OCRL: variants seen among roughly 807,000 people sequenced by gnomAD.
The protein encoded by OCRL is OCRL inositol polyphosphate-5-phosphatase, also known as inositol polyphosphate 5-phosphatase OCRL.
In OCRL, 8 loss-of-function variants were observed where a neutral mutation model predicts 78.9. That is an observed-to-expected ratio of 0.10 (90% confidence interval 0.06 to 0.18). OCRL has a LOEUF of 0.18. Ranked by LOEUF, OCRL falls within the 10% of genes least tolerant of loss-of-function variation. The pLI, the probability that OCRL is intolerant of heterozygous loss-of-function variation, is 1.00. For synonymous variants in OCRL, 240 were observed against 235.4 expected, an observed-to-expected ratio of 1.02 and a Z score of -0.18; for missense variants, 454 against 696.7, an observed-to-expected ratio of 0.65 and a Z score of 3.92.
At chrX:129,581,683 AATAT>A (rs1264601057) in intron 18 of OCRL, among the ~76,000 whole-genome samples, 2 of 102,430 alleles carry the variant, frequency 2.0e-5, no homozygotes, top group African/African-American at 7.2e-5. Flanking sequence ...TATATCCTTT[AATAT>A]ATATACTTAG....
rs749059323 is a variant in OCRL at position 129,565,772 on chromosome X, G to T, written c.1245G>T (p.Glu415Asp). The change falls in exon 13 of 24, where the codon GAG becomes GAT. Residue 415 changes from glutamate (E) to aspartate (D), a missense_variant and splice_region_variant. Physicochemically the swap from Glu to Asp is conservative, Grantham distance 45. Around this residue, in one of 2 missense-constraint regions of OCRL, gnomAD observed 277 missense variants for 517.1 expected, o/e 0.54. Coordinates refer to ENST00000371113, the MANE Select transcript of OCRL (RefSeq NM_000276.4). Reference protein sequence around the residue: ...TLPQLNIMKHEVVIWLGDLNY... With the variant: ...TLPQLNIMKHDVVIWLGDLNY... Reference sequence around the variant, plus strand: ...GTTCATACATTTTTTTGATCCTTAGGGTTGTCATTTGGTTGGGAGATTTGA... The same window carrying T: ...GTTCATACATTTTTTTGATCCTTAGTGTTGTCATTTGGTTGGGAGATTTGA... 1 of 1,190,909 alleles carries T rather than the reference G, an allele frequency of 8.4e-7. No homozygotes were observed. Among genetic ancestry groups the T allele is most frequent in the Admixed American group, 2.2e-5 (1 of 45,912 alleles).
At chrX:129,555,106 C>T (rs921900431) in intron 4 of OCRL, among the ~76,000 whole-genome samples, 3 of 110,482 alleles carry the variant, frequency 2.7e-5, no homozygotes, top group Non-Finnish European at 5.7e-5. Flanking sequence ...TCGGAAACTA[C>T]GAGTGCCTGG....
At chrX:129,560,985 T>G (rs1465838441) in intron 9 of OCRL, among the ~76,000 whole-genome samples, 194 bp from the exon 10 acceptor site, 1 of 112,663 alleles carries the variant, frequency 8.9e-6, no homozygotes, top group African/African-American at 3.2e-5. Context: ...TTGCATAGCT[T>G]ATGAATGTAC....
chrX:129,551,801 T>C (rs1017245363), intron 4 of OCRL, among the ~76,000 whole-genome samples: 6 of 112,283 alleles, frequency 5.3e-5, no homozygotes, highest in Non-Finnish European at 1.1e-4. Context: ...AGAGTAAGTA[T>C]ATTAGGAGGG....
At chrX:129,568,974 C>T (rs1338744007) in intron 14 of OCRL, among the ~76,000 whole-genome samples, 1 of 112,673 alleles carries the variant, frequency 8.9e-6, no homozygotes, top group Non-Finnish European at 1.9e-5. Flanking sequence ...TGAAGATGTA[C>T]TCCCAATCTT....
intron 18 of OCRL, among the ~76,000 whole-genome samples, 175 bp downstream of exon 18, chrX:129,576,727 G>C (rs1397025230): frequency 8.9e-6 from 1 of 111,745 alleles, no homozygotes; most frequent in Admixed American, 9.5e-5. Flanking sequence ...GGGGAAAGAG[G>C]GGGGACTAAT....
intron 4 of OCRL, among the ~76,000 whole-genome samples, chrX:129,556,099 C>A (rs1936044653): frequency 1.8e-5 from 2 of 111,583 alleles, no homozygotes; most frequent in Non-Finnish European, 3.8e-5. Flanking sequence ...TTTTGTAACT[C>A]ATTTTACAAA....
chrX:129,555,697 G>A (rs970851081), intron 4 of OCRL, among the ~76,000 whole-genome samples: 2 of 112,031 alleles, frequency 1.8e-5, no homozygotes, highest in Non-Finnish European at 3.8e-5. Flanking sequence ...GGAGCATCCA[G>A]TGTTATTTTG....
chrX:129,591,602 C>G lies in OCRL; in HGVS notation c.*1332C>G, dbSNP rs932379129. The stretch of plus-strand genomic sequence containing the variant: ...TCCTGGTTTTCTTTTGTTACAACCA[C>G]CCTTGCCTGTTTACATTAATTGCAA... On this transcript the variant is annotated 3_prime_UTR_variant, in exon 24 of 24. Coordinates refer to ENST00000371113, the MANE Select transcript of OCRL (RefSeq NM_000276.4). The G allele has an allele frequency of 1.6e-4, 18 of 112,106 alleles. No homozygotes were observed. The highest frequency in any genetic ancestry group is 5.9e-4 in the African/African-American group (18 of 30,645). 9.2% of individuals were successfully genotyped at this position (112,106 alleles called of 1,213,427 possible). A position where few individuals can be genotyped will look rare whatever the true frequency, so the allele number is the denominator to read the frequency against.
At chrX:129,578,606 A>G (rs1300399684) in intron 18 of OCRL, among the ~76,000 whole-genome samples, 3 of 110,770 alleles carry the variant, frequency 2.7e-5, no homozygotes, top group Admixed American at 1.9e-4. Context: ...AAAACTTTGC[A>G]GTTTTTCATA....
chrX:129,545,025 A>C lies in OCRL; in HGVS notation c.187A>C (p.Arg63=), dbSNP rs780079015. 1.8e-6 allele frequency: 2 copies of C among 1,086,897 alleles called. No homozygotes were observed. The highest frequency in any genetic ancestry group is 2.6e-6 in the Non-Finnish European group (2 of 782,114). 89.6% of individuals were successfully genotyped at this position (1,086,897 alleles called of 1,213,427 possible). A position where few individuals can be genotyped will look rare whatever the true frequency, so the allele number is the denominator to read the frequency against. The part of the protein sequence containing the change: ...QDIIPINSHF[R]CVQEAEETLL... ...TATCATTCCTATAAATAGCCACTTC[A>C]GATGTGTTCAAGGTACTAGCTTTAA... Residue 63 remains arginine (R), a synonymous_variant, in exon 3 of 24, where the codon AGA becomes CGA. Transcript: ENST00000371113.
At chrX:129,582,708 T>G (rs1163442897) in intron 18 of OCRL, among the ~76,000 whole-genome samples, 1 of 112,015 alleles carries the variant, frequency 8.9e-6, no homozygotes, top group Non-Finnish European at 1.9e-5. Flanking sequence ...TCTAATTGCT[T>G]TATTTCATGT....
intron 12 of OCRL, among the ~76,000 whole-genome samples, chrX:129,563,588 A>G (rs748102464): frequency 1.8e-5 from 2 of 111,667 alleles, no homozygotes; most frequent in Non-Finnish European, 3.8e-5. Flanking sequence ...TTTCCAAGCC[A>G]GTATATATAG....
chrX:129,558,192 G>A (rs753686909), intron 6 of OCRL, among the ~76,000 whole-genome samples: 1 of 111,648 alleles, frequency 9.0e-6, no homozygotes, highest in South Asian at 3.8e-4. Flanking sequence ...CAGACAGCCT[G>A]GATTTGAATC....
chrX:129,555,004 A>AAAT (rs1338328438), intron 4 of OCRL, among the ~76,000 whole-genome samples: 49 of 95,952 alleles, frequency 5.1e-4, no homozygotes, highest in South Asian at 1.3e-3. Flanking sequence ...AATAAATAAA[A>AAAT]ATAAGAGGGT....
chrX:129,545,916 G>A (rs1160322901), intron 3 of OCRL, among the ~76,000 whole-genome samples: 2 of 111,286 alleles, frequency 1.8e-5, no homozygotes, highest in Non-Finnish European at 3.8e-5. Flanking sequence ...GTTTCGCCAT[G>A]TTGCCCAGGC....
rs918997401 is a variant in OCRL, at chrX:129,590,510, A to G, written c.*240A>G. The G allele has an allele frequency of 7.8e-6, 3 of 382,956 alleles. No individual in the cohort carries two copies. The South Asian group carries it at 1.0e-4, about 13-fold the overall frequency. The allele number at this position is 382,956 out of a possible 1,213,427, so 31.6% of individuals were successfully genotyped here. A position where few individuals can be genotyped will look rare whatever the true frequency, so the allele number is the denominator to read the frequency against. On this transcript the variant is annotated 3_prime_UTR_variant, in exon 24 of 24. Coordinates refer to ENST00000371113, the MANE Select transcript of OCRL (RefSeq NM_000276.4). ...TTTGGTGTTTTTGTGTTTTCTCTTT[A>G]TAAGGCAAAAAGATCTGTATTTACA... is the stretch of plus-strand genomic sequence containing the variant.
At position 129,545,020 on chromosome X, in the gene OCRL, A is replaced by T; in HGVS notation, c.182A>T (p.His61Leu). Residue 61 changes from histidine (H) to leucine (L), a missense_variant, in exon 3 of 24, where the codon CAC (histidine) becomes CTC (leucine). His to Leu is a moderately conservative substitution (Grantham distance 99). Transcript: ENST00000371113. ...CAAGATATCATTCCTATAAATAGCC[A>T]CTTCAGATGTGTTCAAGGTACTAGC... ...HVQDIIPINS[H>L]FRCVQEAEET... 9.1e-7 allele frequency: 1 copy of T among 1,103,989 alleles called. No individual in the cohort carries two copies. Among genetic ancestry groups the T allele is most frequent in the African/African-American group, 1.8e-5 (1 of 55,706 alleles). 91.0% of individuals were successfully genotyped at this position (1,103,989 alleles called of 1,213,427 possible). A position where few individuals can be genotyped will look rare whatever the true frequency, so the allele number is the denominator to read the frequency against.
chrX:129,566,865 A>G (rs1936223676), intron 13 of OCRL, among the ~76,000 whole-genome samples: 1 of 112,517 alleles, frequency 8.9e-6, no homozygotes. Context: ...ATTTGAAACT[A>G]TTCGCTGAAT....
Sources: allele counts gnomAD v4.1 joint callset (sites outside exome capture counted in the v4.1 genomes callset), GRCh38; gene constraint gnomAD v4.1.1; regional missense constraint gnomAD v4.1.1; transcripts MANE v1.5; gene names NCBI Gene and HGNC (gene_info 2026-07-23, HGNC 2026-07-21).